CEP128: variants seen among roughly 807,000 people sequenced by gnomAD.
CEP128 encodes centrosomal protein 128kDa.
In CEP128, 132 loss-of-function variants were observed where a neutral mutation model predicts 156.7. The observed-to-expected ratio is 0.84, with a 90% CI of 0.73 to 0.97. CEP128 has a LOEUF of 0.97. Among genes scored for constraint, CEP128 ranks in the 50% least tolerant of loss-of-function variants. The pLI is 0.00. For missense variants in CEP128, 1,252 were observed against 1,281.9 expected, an observed-to-expected ratio of 0.98 and a Z score of 0.36; for synonymous variants, 469 against 448.9, an observed-to-expected ratio of 1.04 and a Z score of -0.57.
At chr14:80,808,426 C>A (rs1278385090) in intron 13 of CEP128, among the ~76,000 whole-genome samples, 1 of 152,124 alleles carries the variant, frequency 6.6e-6, no homozygotes, top group African/African-American at 2.4e-5. Flanking sequence ...CTGTACTGTA[C>A]CTACCAACAA....
chr14:80,953,536 G>T (rs932757715), intron 2 of CEP128, among the ~76,000 whole-genome samples: 1 of 152,238 alleles, frequency 6.6e-6, no homozygotes, highest in Non-Finnish European at 1.5e-5. Flanking sequence ...AGTGAGCCAA[G>T]ATCGTGCCAT....
intron 24 of CEP128, among the ~76,000 whole-genome samples, chr14:80,502,563 A>C (rs906190168): frequency 2.7e-5 from 4 of 150,752 alleles, no homozygotes; most frequent in Admixed American, 1.3e-4. Context: ...ATTGTTTTCC[A>C]CCTTTCTGGT....
chr14:80,911,935 C>A (rs939307886), intron 4 of CEP128, among the ~76,000 whole-genome samples: 1 of 152,126 alleles, frequency 6.6e-6, no homozygotes, highest in Non-Finnish European at 1.5e-5. Context: ...AAACCACTCC[C>A]GGGCAGGGCA....
intron 2 of CEP128, among the ~76,000 whole-genome samples, chr14:80,949,311 G>C (rs1306576683): frequency 1.3e-5 from 2 of 152,180 alleles, no homozygotes; most frequent in Non-Finnish European, 1.5e-5. Context: ...ACAAAGCTGA[G>C]AGTTTGGAAA....
At chr14:80,698,432 T>C (rs1226608855) in intron 19 of CEP128, among the ~76,000 whole-genome samples, 1 of 152,138 alleles carries the variant, frequency 6.6e-6, no homozygotes, top group Non-Finnish European at 1.5e-5. Flanking sequence ...TTCTTTAAAT[T>C]AGTACTGATC....
intron 2 of CEP128, among the ~76,000 whole-genome samples, chr14:80,951,131 T>C (rs1886455536): frequency 2.0e-5 from 3 of 152,096 alleles, no homozygotes; most frequent in African/African-American, 4.8e-5. Context: ...GAATAATTTA[T>C]AACCAGCAGA....
intron 4 of CEP128, 113 bp from the exon 5 acceptor site, chr14:80,906,194 A>C: frequency 2.7e-6 from 2 of 751,856 alleles, no homozygotes; most frequent in Non-Finnish European, 3.9e-6. Flanking sequence ...CCCCCCAAAA[A>C]AAGGTATCAG....
At chr14:80,797,030 T>G (rs377303035) in intron 13 of CEP128, among the ~76,000 whole-genome samples, 1 of 152,160 alleles carries the variant, frequency 6.6e-6, no homozygotes, top group South Asian at 2.1e-4. Flanking sequence ...GAACAACTGA[T>G]AGATGTCTAA....
intron 9 of CEP128, among the ~76,000 whole-genome samples, chr14:80,848,664 CAA>C (rs927086296): frequency 2.6e-5 from 3 of 115,870 alleles, no homozygotes; most frequent in South Asian, 5.9e-4. Flanking sequence ...CATTTCAAAA[CAA>C]AAAAAAAAAG....
intron 19 of CEP128, among the ~76,000 whole-genome samples, chr14:80,699,996 C>T (rs1270755325): frequency 1.3e-5 from 2 of 152,154 alleles, no homozygotes; most frequent in Admixed American, 1.3e-4. Flanking sequence ...CAGGTAGGTG[C>T]TTCTAAGAAC....
chr14:80,808,924 T>C (rs1411844597), intron 13 of CEP128, among the ~76,000 whole-genome samples: 3 of 152,110 alleles, frequency 2.0e-5, no homozygotes, highest in Non-Finnish European at 2.9e-5. Flanking sequence ...ACGACAGATA[T>C]ACAGATATCA....
Position 80,778,051 on chromosome 14 carries a change from G to C in CEP128, c.2212-5C>G, listed in dbSNP as rs771015317. Reference sequence around the variant, plus strand: ...CTTCTCTTCTAAACTTTCAGCCTGAGAAAAAGAGAAGGAAAAAACAGAAAG... The same window carrying C: ...CTTCTCTTCTAAACTTTCAGCCTGACAAAAAGAGAAGGAAAAAACAGAAAG... On this transcript the variant is annotated splice_region_variant and splice_polypyrimidine_tract_variant and intron_variant, in intron 15 of 24. Coordinates refer to ENST00000555265, the MANE Select transcript of CEP128 (RefSeq NM_152446.5). The C allele has an allele frequency of 1.2e-6, 2 of 1,608,220 alleles. No homozygotes were observed. Among genetic ancestry groups the C allele is most frequent in the South Asian group, 2.2e-5 (2 of 89,480 alleles).
At chr14:80,529,012 C>T (rs1342171042) in intron 22 of CEP128, among the ~76,000 whole-genome samples, 3 of 152,132 alleles carry the variant, frequency 2.0e-5, no homozygotes, top group South Asian at 2.1e-4. Flanking sequence ...ACATGTAGAA[C>T]GGATTTTAAG....
intron 9 of CEP128, among the ~76,000 whole-genome samples, chr14:80,855,216 T>C (rs1887086760): frequency 6.6e-6 from 1 of 152,166 alleles, no homozygotes; most frequent in Admixed American, 6.5e-5. Context: ...TTGAGGGCTC[T>C]GACACCCTGC....
intron 19 of CEP128, among the ~76,000 whole-genome samples, chr14:80,596,152 T>TAA (rs1322346434): frequency 2.0e-5 from 3 of 150,536 alleles, no homozygotes; most frequent in Non-Finnish European, 4.4e-5. Context: ...TTATATTACA[T>TAA]AAAAATGGTT....
intron 8 of CEP128, among the ~76,000 whole-genome samples, chr14:80,885,991 A>G (rs1215339594): frequency 6.6e-6 from 1 of 152,036 alleles, no homozygotes; most frequent in Non-Finnish European, 1.5e-5. Flanking sequence ...ATAGACAACT[A>G]TCAATAGCCA....
At chr14:80,702,486 T>C (rs1442245708) in intron 19 of CEP128, among the ~76,000 whole-genome samples, 1 of 152,152 alleles carries the variant, frequency 6.6e-6, no homozygotes, top group Non-Finnish European at 1.5e-5. Flanking sequence ...TGATGTCTAA[T>C]GAGAGTAAAA....
At chr14:80,939,918 T>G (rs1202430784) in intron 1 of CEP128, among the ~76,000 whole-genome samples, 4 of 152,204 alleles carry the variant, frequency 2.6e-5, no homozygotes, top group African/African-American at 9.7e-5. Context: ...CAATTATACT[T>G]CCAAGCCAGT....
intron 8 of CEP128, among the ~76,000 whole-genome samples, chr14:80,893,038 A>G (rs1021731149): frequency 3.1e-4 from 47 of 152,038 alleles, no homozygotes; most frequent in African/African-American, 1.1e-3. Flanking sequence ...TGTTCATTGC[A>G]TCATTACTCA....
Sources: allele counts gnomAD v4.1 joint callset (sites outside exome capture counted in the v4.1 genomes callset), GRCh38; gene constraint gnomAD v4.1.1; transcripts MANE v1.5; gene names NCBI Gene and HGNC (gene_info 2026-07-23, HGNC 2026-07-21).